The following GALNS variants were observed in gnomAD, a reference collection of about 807,000 sequenced individuals.
The protein encoded by GALNS is N-acetylgalactosamine-6-sulfatase.
Under a neutral mutation model 65.9 loss-of-function variants are expected in GALNS, and 65 were observed. That is an observed-to-expected ratio of 0.99 (90% CI 0.81 to 1.21). The LOEUF is 1.21. GALNS is among the 50% of genes most tolerant of loss of function. The pLI, the probability that GALNS is intolerant of heterozygous loss-of-function variation, is 0.00. For synonymous variants in GALNS, 346 were observed against 288.9 expected, an observed-to-expected ratio of 1.20 and a Z score of -2.00; for missense variants, 776 against 700.7, an observed-to-expected ratio of 1.11 and a Z score of -1.21.
Position 88,814,354 on chromosome 16 carries a change from G to T in GALNS, c.*85C>A. 6.5e-7 allele frequency: 1 copy of T among 1,527,380 alleles called. No individual in the cohort carries two copies. The highest frequency in any genetic ancestry group is 8.9e-7 in the Non-Finnish European group (1 of 1,127,996). The allele number at this position is 1,527,380 out of a possible 1,614,324, so 94.6% of individuals were successfully genotyped here. A position where few individuals can be genotyped will look rare whatever the true frequency, so the allele number is the denominator to read the frequency against. On this transcript the variant is annotated 3_prime_UTR_variant, in exon 14 of 14. Transcript: ENST00000268695. ...CTGTCTGGCTTGGGCAGGGTTGGGG[G>T]AGGACCGAGGCCAGAGCCATCCTTC...
intron 2 of GALNS, 144 bp from the exon 3 acceptor site, chr16:88,842,115 C>T: frequency 4.0e-6 from 3 of 757,476 alleles, no homozygotes; most frequent in Non-Finnish European, 7.0e-6. Context: ...CCTGTCAATC[C>T]CCGTTAGCGT....
At position 88,835,188 on chromosome 16, in the gene GALNS, G is replaced by C. The variant is rs113936280; in HGVS notation, c.898+25C>G. On this transcript the variant is annotated intron_variant, in intron 8 of 13. Coordinates refer to ENST00000268695, the MANE Select transcript of GALNS (RefSeq NM_000512.5). ...CTGACACGCTGGCTGTGGGGAAACC[G>C]TGAGAAGTGACAGCGAGCACTCACC... 87,258 of 1,561,024 alleles carry C rather than the reference G, an allele frequency of 0.056. 2,900 individuals carry two copies. The highest frequency in any genetic ancestry group is 0.11 in the Middle Eastern group (678 of 5,998).
rs148646493 is a variant in GALNS at position 88,847,228 on chromosome 16, G to A, written c.121-4399C>T. Among the ~76,000 whole-genome samples the A allele has an allele frequency of 3.6e-3, 551 of 152,250 alleles. 2 individuals are homozygous for A. The highest frequency in any genetic ancestry group is 0.012 in the African/African-American group (516 of 41,536). On this transcript the variant is annotated intron_variant, in intron 1 of 13. Coordinates refer to ENST00000268695, the MANE Select transcript of GALNS (RefSeq NM_000512.5). ...TCTATAAAAAATCAAAAAATCAGCT[G>A]GGCATGGTGGCACACACCTGTAATC... is the stretch of plus-strand genomic sequence containing the variant.
rs1240341923 is a variant in GALNS at position 88,841,210 on chromosome 16, G to T, written c.320-116C>A. 1.5e-5 allele frequency: 12 copies of T among 810,550 alleles called. No homozygotes were observed. The African/African-American group carries it at 1.7e-4, about 11-fold the overall frequency. 50.2% of individuals were successfully genotyped at this position (810,550 alleles called of 1,614,324 possible). A position where few individuals can be genotyped will look rare whatever the true frequency, so the allele number is the denominator to read the frequency against. ...CATCCTAACAGGACACTGGCCCCTCGGGGTCAAAGGCTGTGCCTGGGGGCT... is the reference window on the plus strand; with the variant it reads ...CATCCTAACAGGACACTGGCCCCTCTGGGTCAAAGGCTGTGCCTGGGGGCT... On this transcript the variant is annotated intron_variant, in intron 3 of 13. Coordinates refer to ENST00000268695, the MANE Select transcript of GALNS (RefSeq NM_000512.5).
In GALNS at chr16:88,815,999, C is replaced by T. The variant is rs1033981770; in HGVS notation, c.1483-1474G>A. On this transcript the variant is annotated intron_variant, in intron 13 of 13. Transcript: ENST00000268695. ...GCCTGGAGTTGGCGGGGACAGAGGG[C>T]AGGGAAGGGGTAAGGAGGGCCCCCA... The T allele has an allele frequency of 6.1e-6, 6 of 985,264 alleles. No individual in the cohort carries two copies. In the African/African-American group the frequency reaches 1.0e-4, roughly 17 times the overall value. The allele number at this position is 985,264 out of a possible 1,614,324, so 61.0% of individuals were successfully genotyped here.
chr16:88,831,867 G>A (rs1177533359), intron 9 of GALNS, 131 bp downstream of exon 9: 17 of 756,616 alleles, frequency 2.2e-5, no homozygotes, highest in African/African-American at 5.2e-5. Flanking sequence ...TGAGCACAGG[G>A]TGCGTGGGGA....
At position 88,814,439 on chromosome 16, in the gene GALNS, C is replaced by A; in HGVS notation, c.1569G>T (p.Ter523TyrextTer92). 1 of 1,558,354 alleles carries A rather than the reference C, an allele frequency of 6.4e-7. No individual in the cohort carries two copies. Among genetic ancestry groups the A allele is most frequent in the Non-Finnish European group, 8.7e-7 (1 of 1,150,806 alleles). The part of the protein sequence containing the change: ...SIPKKCLWSH[*>Y] The stretch of plus-strand genomic sequence containing the variant: ...GGCCTGGCCTGAGTCTGCGCAGGTG[C>A]TAGTGGGACCAGAGGCACTTCTTGG... The change falls in exon 14 of 14, where the codon TAG becomes TAT. Residue 523 changes from the stop codon to tyrosine (Y), a stop_lost. Coordinates refer to ENST00000268695, the MANE Select transcript of GALNS (RefSeq NM_000512.5).
At chr16:88,835,691 A>G in intron 7 of GALNS, 34 bp downstream of exon 7, 2 of 1,613,342 alleles carry the variant, frequency 1.2e-6, no homozygotes, top group Non-Finnish European at 1.7e-6. Context: ...TGGGGCCTCC[A>G]GCGAGGTCTA....
chr16:88,833,465 T>G (rs1911734437), intron 8 of GALNS, among the ~76,000 whole-genome samples: 2 of 151,452 alleles, frequency 1.3e-5, no homozygotes. Flanking sequence ...TTTTTTTTTT[T>G]TTTTGACATG....
chr16:88,843,592 A>C, intron 1 of GALNS: 1 of 204,646 alleles, frequency 4.9e-6, no homozygotes, highest in South Asian at 8.2e-5. Context: ...GCAGACATGC[A>C]GTAGAGATGC....
intron 8 of GALNS, among the ~76,000 whole-genome samples, chr16:88,834,613 G>C (rs1271784130): frequency 7.0e-6 from 1 of 143,426 alleles, no homozygotes; most frequent in Admixed American, 7.0e-5. Context: ...CCCCCCGTGT[G>C]GTCTGGGAAG....
chr16:88,829,721 G>A (rs1334339220), intron 9 of GALNS, among the ~76,000 whole-genome samples: 10 of 152,246 alleles, frequency 6.6e-5, no homozygotes. Flanking sequence ...CCTGACAGAC[G>A]ACTTCCTCTC....
intron 8 of GALNS, among the ~76,000 whole-genome samples, chr16:88,833,715 G>T (rs1911766080): frequency 6.6e-6 from 1 of 152,156 alleles, no homozygotes; most frequent in Non-Finnish European, 1.5e-5. Flanking sequence ...CTCCCAAAGT[G>T]CTGGGATTAC....
chr16:88,834,601 C>CT (rs1306326276), intron 8 of GALNS, among the ~76,000 whole-genome samples: 1 of 84,858 alleles, frequency 1.2e-5, no homozygotes, highest in Non-Finnish European at 2.7e-5. Flanking sequence ...GGCTGTAGGG[C>CT]CCCCCCCGTG....
At chr16:88,842,883 G>C (rs1411320280) in intron 1 of GALNS, 54 bp from the exon 2 acceptor site, 1 of 1,602,172 alleles carries the variant, frequency 6.2e-7, no homozygotes, top group Non-Finnish European at 8.5e-7. Context: ...GGTGCTTCTG[G>C]CCTGGGGAGC....
At chr16:88,848,168 G>C (rs942330545) in intron 1 of GALNS, among the ~76,000 whole-genome samples, 1 of 152,222 alleles carries the variant, frequency 6.6e-6, no homozygotes, top group African/African-American at 2.4e-5. Context: ...GGAGCGGGTC[G>C]GCCAGGGGCT....
At chr16:88,820,853 G>A (rs758917895) in intron 12 of GALNS, among the ~76,000 whole-genome samples, 1 of 152,220 alleles carries the variant, frequency 6.6e-6, no homozygotes, top group Non-Finnish European at 1.5e-5. Flanking sequence ...TGGGGGGTGT[G>A]GCGGGCACCG....
At chr16:88,823,963 A>C (rs1313812888) in intron 11 of GALNS, among the ~76,000 whole-genome samples, 5 of 152,168 alleles carry the variant, frequency 3.3e-5, no homozygotes, top group Admixed American at 3.3e-4. Flanking sequence ...GGAGGAGCCA[A>C]AACACTCCTG....
At position 88,856,910 on chromosome 16, in the gene GALNS, C is replaced by T. The variant is rs768842620; in HGVS notation, c.-33G>A. 12 of 1,496,000 alleles carry T rather than the reference C, an allele frequency of 8.0e-6. No individual in the cohort carries two copies. Among genetic ancestry groups the T allele is most frequent in the Middle Eastern group, 2.3e-4 (1 of 4,364 alleles). 92.7% of individuals were successfully genotyped at this position (1,496,000 alleles called of 1,614,324 possible). A position where few individuals can be genotyped will look rare whatever the true frequency, so the allele number is the denominator to read the frequency against. ...ACGGGAGCCGCGGAGCCCCGGCCAG[C>T]GAGCCGACCTAGCGAGCGTCCGCCG... On this transcript the variant is annotated 5_prime_UTR_variant, in exon 1 of 14. Transcript: ENST00000268695.
Sources: allele counts gnomAD v4.1 joint callset (sites outside exome capture counted in the v4.1 genomes callset), GRCh38; gene constraint gnomAD v4.1.1; transcripts MANE v1.5; gene names NCBI Gene and HGNC (gene_info 2026-07-23, HGNC 2026-07-21).